Variants in FHIT observed in about 807,000 individuals in gnomAD.
FHIT encodes bis(5'-adenosyl)-triphosphatase.
FHIT carries 19 observed loss-of-function variants against 17.9 expected under a neutral mutation model. The ratio of observed to expected loss-of-function variants is 1.06; its 90% CI spans 0.74 to 1.56. The LOEUF is 1.56. Ranked by LOEUF, FHIT falls within the 40% of genes most tolerant of loss-of-function variation. FHIT has a pLI of 0.00. For missense variants in FHIT, 248 were observed against 189.2 expected, an observed-to-expected ratio of 1.31 and a Z score of -1.82; for synonymous variants, 81 against 69.7, an observed-to-expected ratio of 1.16 and a Z score of -0.81.
chr3:60,828,322 T>C lies in FHIT; in HGVS notation c.-110-6311A>G, dbSNP rs1435154441. 2.0e-5 allele frequency among the ~76,000 whole-genome samples: 3 copies of C among 152,208 alleles called. No individual in the cohort carries two copies. In the East Asian group the frequency reaches 5.8e-4, roughly 29 times the overall value. On this transcript the variant is annotated intron_variant, in intron 3 of 9. Coordinates refer to ENST00000492590, the MANE Select transcript of FHIT (RefSeq NM_002012.4). ...ATTATATATGTCATCATTATTATTATATTTAACCTTACTTTCATTTTAATC... is the reference window on the plus strand; with the variant it reads ...ATTATATATGTCATCATTATTATTACATTTAACCTTACTTTCATTTTAATC...
At position 59,793,379 on chromosome 3, in the gene FHIT, G is replaced by A. The variant is rs143632122; in HGVS notation, c.349-41058C>T. Among the ~76,000 whole-genome samples, 26 of 141,342 alleles carry A rather than the reference G, an allele frequency of 1.8e-4. No individual in the cohort carries two copies. The East Asian group carries it at 5.2e-3, about 28-fold the overall frequency. 92.7% of individuals were successfully genotyped at this position (141,342 alleles called of 152,430 possible). On this transcript the variant is annotated intron_variant, in intron 8 of 9. Coordinates refer to ENST00000492590, the MANE Select transcript of FHIT (RefSeq NM_002012.4). ...GAAAGTGTAGATCGTCTTCTCAAGA[G>A]AGGAAGGACAAAGTCAGAATTGACA... is the stretch of plus-strand genomic sequence containing the variant.
chr3:61,166,661 C>A (rs938646173), intron 2 of FHIT, among the ~76,000 whole-genome samples: 2 of 152,214 alleles, frequency 1.3e-5, no homozygotes, highest in Non-Finnish European at 2.9e-5. Flanking sequence ...AACCAACTTT[C>A]CAAATATCCA....
In FHIT at chr3:59,752,287, G is replaced by C. The variant is rs1700956554; in HGVS notation, c.383C>G (p.Ser128Cys). 9 of 1,613,146 alleles carry C rather than the reference G, an allele frequency of 5.6e-6. No homozygotes were observed. The East Asian group carries it at 1.8e-4, about 32-fold the overall frequency. ...QKHDKEDFPA[S>C]WRSEEEMAAE... Reference sequence around the variant, plus strand: ...TGCCATTTCCTCCTCTGATCTCCAAGAGGCAGGAAAGTCCTCCTTGTCATG... The same window carrying C: ...TGCCATTTCCTCCTCTGATCTCCAACAGGCAGGAAAGTCCTCCTTGTCATG... The change falls in exon 9 of 10, where the codon TCT becomes TGT. Residue 128 changes from serine to cysteine, a missense_variant. Transcript: ENST00000492590.
intron 4 of FHIT, among the ~76,000 whole-genome samples, chr3:60,754,554 A>G (rs1211606139): frequency 6.6e-6 from 1 of 152,182 alleles, no homozygotes; most frequent in South Asian, 2.1e-4. Flanking sequence ...TGGCTTGAAC[A>G]CAGGAGGCAG....
At chr3:59,764,161 C>A (rs1416330693) in intron 8 of FHIT, among the ~76,000 whole-genome samples, 1 of 152,162 alleles carries the variant, frequency 6.6e-6, no homozygotes, top group Non-Finnish European at 1.5e-5. Flanking sequence ...CTATAATGAA[C>A]TTTCCCCAGA....
intron 3 of FHIT, among the ~76,000 whole-genome samples, chr3:60,912,990 G>T (rs1434350244): frequency 6.6e-6 from 1 of 152,150 alleles, no homozygotes; most frequent in Non-Finnish European, 1.5e-5. Flanking sequence ...AACCTAGGAG[G>T]GTAGAGGGAA....
intron 3 of FHIT, among the ~76,000 whole-genome samples, chr3:60,908,284 T>C (rs1553765030): frequency 6.6e-6 from 1 of 152,034 alleles, no homozygotes; most frequent in Non-Finnish European, 1.5e-5. Context: ...ATCTTTAAAA[T>C]AGAGAATATA....
At chr3:59,814,819 TC>T (rs1289179546) in intron 8 of FHIT, among the ~76,000 whole-genome samples, 1 of 152,194 alleles carries the variant, frequency 6.6e-6, no homozygotes, top group Non-Finnish European at 1.5e-5. Flanking sequence ...CTTGTGTAGT[TC>T]CCTTTGCTGA....
chr3:60,514,683 G>A (rs1013068369), intron 5 of FHIT, among the ~76,000 whole-genome samples: 2 of 152,044 alleles, frequency 1.3e-5, no homozygotes, highest in Non-Finnish European at 2.9e-5. Context: ...TATAAGTGGT[G>A]GAACAACAAC....
intron 7 of FHIT, among the ~76,000 whole-genome samples, chr3:59,981,700 G>A (rs621837): frequency 2.0e-5 from 3 of 152,042 alleles, no homozygotes; most frequent in Non-Finnish European, 2.9e-5. Flanking sequence ...GGAGTCTCTC[G>A]AATGCTAAAT....
intron 5 of FHIT, among the ~76,000 whole-genome samples, chr3:60,089,247 A>G (rs1703627971): frequency 6.6e-6 from 1 of 152,194 alleles, no homozygotes; most frequent in African/African-American, 2.4e-5. Context: ...TGTTGACTTC[A>G]TGACACATTT....
In FHIT at chr3:60,029,879, TTGTGTG is replaced by T. The variant is rs746113510; in HGVS notation, c.104-15733_104-15728del. Among the ~76,000 whole-genome samples the T allele has an allele frequency of 2.6e-4, 34 of 131,484 alleles. 1 individual carries two copies. In the East Asian group the frequency reaches 5.6e-3, roughly 22 times the overall value. 86.3% of individuals were successfully genotyped at this position (131,484 alleles called of 152,430 possible). A position where few individuals can be genotyped will look rare whatever the true frequency, so the allele number is the denominator to read the frequency against. ...TTGGGCAGATGTCCTCATAGAAGCA[TTGTGTG>T]TGTGTGTGTGTCTGTGTGTGTGTGT... On this transcript the variant is annotated intron_variant, in intron 5 of 9. Transcript: ENST00000492590.
chr3:60,248,482 G>C (rs181759816), intron 5 of FHIT, among the ~76,000 whole-genome samples: 173 of 152,240 alleles, frequency 1.1e-3, no homozygotes, highest in African/African-American at 4.0e-3. Flanking sequence ...TATTCAGAAA[G>C]AGAACAAAGG....
intron 5 of FHIT, among the ~76,000 whole-genome samples, chr3:60,077,686 TCACACACACACACACACACA>T (rs35531886): frequency 5.4e-5 from 6 of 110,312 alleles, no homozygotes; most frequent in Non-Finnish European, 7.1e-5. Flanking sequence ...CGATTTTACT[TCACACACACACACACACACA>T]CACACACACA....
intron 5 of FHIT, among the ~76,000 whole-genome samples, chr3:60,132,704 T>C (rs1468581695): frequency 6.6e-6 from 1 of 152,118 alleles, no homozygotes; most frequent in Non-Finnish European, 1.5e-5. Flanking sequence ...CTGTACATTT[T>C]CCCCTGATTG....
intron 1 of FHIT, among the ~76,000 whole-genome samples, chr3:61,233,676 G>A (rs371579302): frequency 2.0e-5 from 3 of 152,218 alleles, no homozygotes; most frequent in Non-Finnish European, 2.9e-5. Context: ...TTTCTATAAT[G>A]AACATATATT....
intron 8 of FHIT, among the ~76,000 whole-genome samples, chr3:59,890,068 C>G (rs1310510694): frequency 6.6e-6 from 1 of 152,140 alleles, no homozygotes; most frequent in East Asian, 1.9e-4. Context: ...CACATTACAA[C>G]AAGTTAACAG....
At chr3:61,020,547 T>C (rs931845065) in intron 3 of FHIT, among the ~76,000 whole-genome samples, 2 of 152,156 alleles carry the variant, frequency 1.3e-5, no homozygotes, top group Non-Finnish European at 2.9e-5. Context: ...AAAACTGGTA[T>C]ACCATCCACT....
At chr3:60,910,944 C>A (rs1199806629) in intron 3 of FHIT, among the ~76,000 whole-genome samples, 1 of 152,076 alleles carries the variant, frequency 6.6e-6, no homozygotes, top group Non-Finnish European at 1.5e-5. Flanking sequence ...TTGGGATAAT[C>A]CAAATTTGGT....
Sources: allele counts gnomAD v4.1 joint callset (sites outside exome capture counted in the v4.1 genomes callset), GRCh38; gene constraint gnomAD v4.1.1; transcripts MANE v1.5; gene names NCBI Gene and HGNC (gene_info 2026-07-23, HGNC 2026-07-21).